The following E2F2 variants were observed in gnomAD, a reference collection of about 807,000 sequenced individuals.
E2F2 encodes the protein E2F transcription factor 2, also known as transcription factor E2F2.
Under a neutral mutation model 42.2 loss-of-function variants are expected in E2F2, and 22 were observed. That is an observed-to-expected ratio of 0.52 (90% CI 0.37 to 0.74). E2F2 has a LOEUF of 0.74. Among genes scored for constraint, E2F2 ranks in the 30% least tolerant of loss-of-function variants. The pLI is 0.00. For missense variants in E2F2, 481 were observed against 557.8 expected (o/e 0.86, Z 1.39); for synonymous variants, 248 against 251.6 (o/e 0.99, Z 0.13).
chr1:23,518,749 T>C (rs1415845858), intron 5 of E2F2, among the ~76,000 whole-genome samples: 1 of 152,140 alleles, frequency 6.6e-6, no homozygotes, highest in Non-Finnish European at 1.5e-5. Flanking sequence ...GGCATGAGTG[T>C]GCATGTGCGC....
At chr1:23,515,054 G>C (rs3218190) in intron 6 of E2F2, among the ~76,000 whole-genome samples, 5,986 of 152,190 alleles carry the variant, frequency 0.039, 360 homozygotes, top group African/African-American at 0.14. Flanking sequence ...GTGTACTGCA[G>C]AGCCCTTCCA....
At position 23,508,613 on chromosome 1, in the gene E2F2, C is replaced by CT. The variant is rs1015732346; in HGVS notation, c.*1266dup. 1 of 152,268 alleles carries CT rather than the reference C, an allele frequency of 6.6e-6. No homozygotes were observed. Among genetic ancestry groups the CT allele is most frequent in the African/African-American group, 2.4e-5 (1 of 41,450 alleles). 9.4% of individuals were successfully genotyped at this position (152,268 alleles called of 1,614,324 possible). ...GCCTGCAGAGGTAACATGAGTTCCT[C>CT]TCCCCATTAGCTGTGAAGGCCTGGT... On this transcript the variant is annotated 3_prime_UTR_variant, in exon 7 of 7. Transcript: ENST00000361729.
intron 4 of E2F2, chr1:23,519,388 G>A (rs1643092279): frequency 3.7e-6 from 1 of 273,296 alleles, no homozygotes; most frequent in South Asian, 1.1e-4. Flanking sequence ...TTATGTAAAG[G>A]CTTCATCTCT....
Position 23,507,651 on chromosome 1 carries a change from G to A in E2F2, c.*2229C>T, listed in dbSNP as rs1228786933. The stretch of plus-strand genomic sequence containing the variant: ...TGAGCTTGTGTCCTGCACTGAATCT[G>A]AGGCTTAGCCTGGGAGGTCTAGCCC... On this transcript the variant is annotated 3_prime_UTR_variant, in exon 7 of 7. Coordinates refer to ENST00000361729, the MANE Select transcript of E2F2 (RefSeq NM_004091.4). 1 of 152,362 alleles carries A rather than the reference G, an allele frequency of 6.6e-6. No individual in the cohort carries two copies. The highest frequency in any genetic ancestry group is 6.5e-5 in the Admixed American group (1 of 15,284). 9.4% of individuals were successfully genotyped at this position (152,362 alleles called of 1,614,324 possible).
intron 1 of E2F2, among the ~76,000 whole-genome samples, chr1:23,525,998 A>C (rs1291838909): frequency 6.6e-6 from 1 of 151,980 alleles, no homozygotes; most frequent in Non-Finnish European, 1.5e-5. Flanking sequence ...TCCTGCTGTC[A>C]GTTCCCCTTC....
At position 23,521,718 on chromosome 1, in the gene E2F2, C is replaced by A. The variant is rs1047310074; in HGVS notation, c.578+119G>T. ...CTCTTGGTCCGCCTCAGCCCTTGTGCCCATTGGATGTTGCTCTCAGCCCCG... is the reference window on the plus strand; with the variant it reads ...CTCTTGGTCCGCCTCAGCCCTTGTGACCATTGGATGTTGCTCTCAGCCCCG... On this transcript the variant is annotated intron_variant, in intron 3 of 6. Transcript: ENST00000361729. 12 of 1,501,922 alleles carry A rather than the reference C, an allele frequency of 8.0e-6. No homozygotes were observed. In the African/African-American group the frequency reaches 1.7e-4, roughly 21 times the overall value. 93.0% of individuals were successfully genotyped at this position (1,501,922 alleles called of 1,614,324 possible).
rs1009862686 is a variant in E2F2 at position 23,521,868 on chromosome 1, G to A, written c.547C>T (p.Arg183Cys). Residue 183 changes from arginine to cysteine, a missense_variant, in exon 3 of 7, where the codon CGC (arginine) becomes TGC (cysteine). Physicochemically the swap from Arg to Cys is radical, Grantham distance 180. Coordinates refer to ENST00000361729, the MANE Select transcript of E2F2 (RefSeq NM_004091.4). Reference sequence around the variant, plus strand: ...TGGATGTTGTTCTTGGCCTTCTTGCGGATGAGCTGGATGCCTTCCAGCACG... The same window carrying A: ...TGGATGTTGTTCTTGGCCTTCTTGCAGATGAGCTGGATGCCTTCCAGCACG... ...TNVLEGIQLI[R>C]KKAKNNIQWV... The A allele has an allele frequency of 5.0e-6, 8 of 1,613,880 alleles. No individual in the cohort carries two copies. The highest frequency in any genetic ancestry group is 2.2e-5 in the East Asian group (1 of 44,864).
Position 23,530,441 on chromosome 1 carries a change from A to G in E2F2, c.252+101T>C. 1 of 1,481,628 alleles carries G rather than the reference A, an allele frequency of 6.7e-7. No individual in the cohort carries two copies. The highest frequency in any genetic ancestry group is 1.3e-5 in the South Asian group (1 of 76,338). 91.8% of individuals were successfully genotyped at this position (1,481,628 alleles called of 1,614,324 possible). On this transcript the variant is annotated intron_variant, in intron 1 of 6. Coordinates refer to ENST00000361729, the MANE Select transcript of E2F2 (RefSeq NM_004091.4). The surrounding 1 kb of genome is among the most constrained non-coding windows in gnomAD (Gnocchi z 4.4). The stretch of plus-strand genomic sequence containing the variant: ...TGAAAGCTCATCTTCCCTCTTCCCA[A>G]AACTCTACCTGCTCCACTCAAACTG...
At chr1:23,505,771 T>G (rs988462475), downstream of E2F2, among the ~76,000 whole-genome samples, 7 of 152,104 alleles carry the variant, frequency 4.6e-5, no homozygotes, top group African/African-American at 1.7e-4. Context: ...CCTTGGACTC[T>G]CGAAGTGTTG....
At chr1:23,505,777 T>G (rs957607215), downstream of E2F2, among the ~76,000 whole-genome samples, 1 of 152,106 alleles carries the variant, frequency 6.6e-6, no homozygotes, top group African/African-American at 2.4e-5. Flanking sequence ...ACTCTCGAAG[T>G]GTTGGGATTA....
intron 1 of E2F2, among the ~76,000 whole-genome samples, chr1:23,525,208 C>G (rs1643231301): frequency 6.6e-6 from 1 of 152,184 alleles, no homozygotes; most frequent in Admixed American, 6.5e-5. Context: ...TCCAGCTCCC[C>G]CTTTCTGTTC....
intron 1 of E2F2, among the ~76,000 whole-genome samples, chr1:23,526,533 G>C (rs561623710): frequency 6.6e-6 from 1 of 152,040 alleles, no homozygotes; most frequent in African/African-American, 2.4e-5. Flanking sequence ...TGTCTCCCCC[G>C]CCAGAACAAA....
chr1:23,506,065 C>T (rs1642790170), downstream of E2F2, among the ~76,000 whole-genome samples: 1 of 152,156 alleles, frequency 6.6e-6, no homozygotes, highest in Admixed American at 6.5e-5. Flanking sequence ...GAGGCATGGT[C>T]TTGAATATGC....
chr1:23,521,703 G>T, intron 3 of E2F2, 134 bp downstream of exon 3: 1 of 1,478,580 alleles, frequency 6.8e-7, no homozygotes, highest in Admixed American at 2.3e-5. Flanking sequence ...CTCTTGGTCC[G>T]CCTCAGCCCT....
intron 6 of E2F2, among the ~76,000 whole-genome samples, chr1:23,513,254 T>C (rs1457458057): frequency 1.3e-5 from 2 of 151,892 alleles, no homozygotes; most frequent in Non-Finnish European, 2.9e-5. Flanking sequence ...AGTGATTCAC[T>C]CACAGTCACC....
At chr1:23,511,899 A>ATT (rs1642916787) in intron 6 of E2F2, among the ~76,000 whole-genome samples, 1 of 152,174 alleles carries the variant, frequency 6.6e-6, no homozygotes. Context: ...TGGTAAGTGC[A>ATT]TATGAAGCAC....
chr1:23,521,207 G>A, intron 3 of E2F2, 136 bp from the exon 4 acceptor site: 1 of 1,092,712 alleles, frequency 9.2e-7, no homozygotes, highest in Middle Eastern at 3.2e-4. Flanking sequence ...GGAGCTACCA[G>A]GGATTGGAAC....
chr1:23,522,929 A>G lies in E2F2; in HGVS notation c.359-873T>C, dbSNP rs190300717. Among the ~76,000 whole-genome samples the G allele has an allele frequency of 3.3e-5, 5 of 152,326 alleles. No individual in the cohort carries two copies. The East Asian group carries it at 9.6e-4, about 29-fold the overall frequency. The stretch of plus-strand genomic sequence containing the variant: ...AGGAGGACCAGTTATCATGAGCCTC[A>G]GGATCCTTCAAGACAGTGCTCTGGG... On this transcript the variant is annotated intron_variant, in intron 2 of 6. Coordinates refer to ENST00000361729, the MANE Select transcript of E2F2 (RefSeq NM_004091.4).
Position 23,524,439 on chromosome 1 carries a change from T to C in E2F2, c.302A>G (p.Glu101Gly), listed in dbSNP as rs766021202. The C allele has an allele frequency of 1.7e-5, 27 of 1,606,130 alleles. No homozygotes were observed. The highest frequency in any genetic ancestry group is 2.2e-5 in the Non-Finnish European group (26 of 1,175,172). ...LEGIGRPVVP[E>G]FPTPKGKCIR... ...GCACTTCCCCTTGGGGGTTGGGAACTCAGGGACGACGGGCCTCCCAATCCC... is the reference window on the plus strand; with the variant it reads ...GCACTTCCCCTTGGGGGTTGGGAACCCAGGGACGACGGGCCTCCCAATCCC... Residue 101 changes from glutamate (E) to glycine (G), a missense_variant, in exon 2 of 7, where the codon GAG becomes GGG. Coordinates refer to ENST00000361729, the MANE Select transcript of E2F2 (RefSeq NM_004091.4).
Sources: allele counts gnomAD v4.1 joint callset (sites outside exome capture counted in the v4.1 genomes callset), GRCh38; gene constraint gnomAD v4.1.1; non-coding constraint Gnocchi (gnomAD v3.1); transcripts MANE v1.5; gene names NCBI Gene and HGNC (gene_info 2026-07-23, HGNC 2026-07-21).